KCNH1: variants seen among roughly 807,000 people sequenced by gnomAD.
KCNH1 encodes the protein potassium voltage-gated channel subfamily H member 1, also known as voltage-gated delayed rectifier potassium channel KCNH1.
In KCNH1, 27 loss-of-function variants were observed where a neutral mutation model predicts 69.2. The ratio of observed to expected loss-of-function variants is 0.39; its 90% CI spans 0.29 to 0.54. The LOEUF is 0.54. KCNH1 is among the 20% of genes least tolerant of loss of function. The pLI is 0.68. For missense variants in KCNH1, 798 were observed against 1,261.6 expected, an observed-to-expected ratio of 0.63 and a Z score of 5.57; for synonymous variants, 456 against 487.7, an observed-to-expected ratio of 0.93 and a Z score of 0.86.
At chr1:210,811,995 C>T (rs985210566) in intron 7 of KCNH1, among the ~76,000 whole-genome samples, 2 of 152,176 alleles carry the variant, frequency 1.3e-5, no homozygotes, top group Non-Finnish European at 2.9e-5. Flanking sequence ...TTTGGTAGGT[C>T]ATGAGTGGGC....
chr1:210,957,635 T>C (rs1285853975), intron 6 of KCNH1, among the ~76,000 whole-genome samples: 1 of 152,194 alleles, frequency 6.6e-6, no homozygotes, highest in African/African-American at 2.4e-5. Context: ...TAGTTAGCGC[T>C]TCTTGTTGAA....
chr1:210,776,184 T>C (rs190623266), intron 9 of KCNH1, among the ~76,000 whole-genome samples: 1 of 152,148 alleles, frequency 6.6e-6, no homozygotes, highest in African/African-American at 2.4e-5. Context: ...CTCCTTACCA[T>C]AGCATGTCCA....
intron 7 of KCNH1, among the ~76,000 whole-genome samples, chr1:210,867,420 G>A (rs1050204067): frequency 2.7e-5 from 4 of 150,726 alleles, no homozygotes; most frequent in Non-Finnish European, 5.9e-5. Flanking sequence ...GCAATGTCAA[G>A]TATAGAAAAC....
At chr1:210,875,885 T>C (rs1686364506) in intron 7 of KCNH1, among the ~76,000 whole-genome samples, 1 of 151,558 alleles carries the variant, frequency 6.6e-6, no homozygotes. Context: ...AAACAGACCA[T>C]TCATGATAGC....
At chr1:211,112,165 C>T (rs115199309) in intron 1 of KCNH1, among the ~76,000 whole-genome samples, 2,208 of 147,400 alleles carry the variant, frequency 0.015, 64 homozygotes, top group African/African-American at 0.052. Context: ...GCCACTGCAC[C>T]GTCTGGGAAG....
At chr1:210,834,546 AG>A (rs1477941220) in intron 7 of KCNH1, among the ~76,000 whole-genome samples, 2 of 61,822 alleles carry the variant, frequency 3.2e-5, no homozygotes, top group African/African-American at 1.3e-4. Context: ...GGGTGGGGGG[AG>A]GGGGGAGGGA....
chr1:210,917,720 G>A (rs1687377319), intron 7 of KCNH1, among the ~76,000 whole-genome samples: 1 of 152,158 alleles, frequency 6.6e-6, no homozygotes, highest in African/African-American at 2.4e-5. Context: ...CTAAGAGAAG[G>A]AAATCAAATC....
At chr1:210,932,466 C>G (rs898043281) in intron 6 of KCNH1, among the ~76,000 whole-genome samples, 9 of 151,948 alleles carry the variant, frequency 5.9e-5, no homozygotes, top group Non-Finnish European at 1.3e-4. Context: ...ATCCAAATCA[C>G]CAGAAAACAA....
chr1:210,796,661 C>T (rs1471758819), intron 9 of KCNH1, among the ~76,000 whole-genome samples: 1 of 152,164 alleles, frequency 6.6e-6, no homozygotes, highest in Non-Finnish European at 1.5e-5. Flanking sequence ...TCCTCCTTCC[C>T]CGCCACAGCA....
chr1:210,794,555 A>C (rs924158918), intron 9 of KCNH1, among the ~76,000 whole-genome samples: 3 of 152,176 alleles, frequency 2.0e-5, no homozygotes, highest in African/African-American at 7.2e-5. Flanking sequence ...TCCTCACAAG[A>C]AGCCCAGGAT....
At chr1:210,952,587 C>T (rs1045802358) in intron 6 of KCNH1, among the ~76,000 whole-genome samples, 2 of 152,100 alleles carry the variant, frequency 1.3e-5, no homozygotes, top group African/African-American at 4.8e-5. Context: ...CTCTAACAAT[C>T]ATTTTCAACA....
intron 4 of KCNH1, among the ~76,000 whole-genome samples, chr1:211,087,662 CA>C (rs1407474814): frequency 1.0e-3 from 154 of 151,294 alleles, no homozygotes; most frequent in Non-Finnish European, 1.3e-3. Flanking sequence ...CACACACACA[CA>C]CCCCAGAGCT....
chr1:210,980,614 A>G (rs544587078), intron 6 of KCNH1, among the ~76,000 whole-genome samples: 4 of 152,228 alleles, frequency 2.6e-5, no homozygotes, highest in Non-Finnish European at 5.9e-5. Context: ...AGGAAAGAAA[A>G]GAATCATTTG....
intron 5 of KCNH1, among the ~76,000 whole-genome samples, chr1:211,053,414 G>A (rs1690243818): frequency 6.6e-6 from 1 of 152,182 alleles, no homozygotes; most frequent in Admixed American, 6.5e-5. Context: ...GGGGTTATCG[G>A]AACCAGTTAT....
intron 10 of KCNH1, among the ~76,000 whole-genome samples, chr1:210,711,691 T>C (rs1452382534): frequency 6.6e-6 from 1 of 152,214 alleles, no homozygotes; most frequent in East Asian, 1.9e-4. Context: ...GTATCCCTGA[T>C]AACACCCCTC....
At chr1:210,941,951 G>A (rs1190430727) in intron 6 of KCNH1, among the ~76,000 whole-genome samples, 1 of 152,154 alleles carries the variant, frequency 6.6e-6, no homozygotes, top group South Asian at 2.1e-4. Flanking sequence ...ACAGAGAATG[G>A]TGATGAGACT....
intron 6 of KCNH1, among the ~76,000 whole-genome samples, chr1:210,951,958 T>C (rs1355681714): frequency 6.6e-6 from 1 of 152,154 alleles, no homozygotes; most frequent in Non-Finnish European, 1.5e-5. Context: ...CTGGCCCTCC[T>C]TGTTATCTCT....
At chr1:211,014,000 T>C (rs985627309) in intron 6 of KCNH1, among the ~76,000 whole-genome samples, 2 of 152,202 alleles carry the variant, frequency 1.3e-5, no homozygotes, top group Non-Finnish European at 2.9e-5. Flanking sequence ...GTATCTCCCA[T>C]GAGTGTGAGC....
At chr1:211,092,381 C>T (rs1691068689) in intron 3 of KCNH1, among the ~76,000 whole-genome samples, 1 of 152,182 alleles carries the variant, frequency 6.6e-6, no homozygotes, top group South Asian at 2.1e-4. Flanking sequence ...TAGTAATAAC[C>T]CTGAAATGTA....
Sources: allele counts gnomAD v4.1 joint callset (sites outside exome capture counted in the v4.1 genomes callset), GRCh38; gene constraint gnomAD v4.1.1; transcripts MANE v1.5; gene names NCBI Gene and HGNC (gene_info 2026-07-23, HGNC 2026-07-21).